NHEJ1: variants seen among roughly 807,000 people sequenced by gnomAD.
NHEJ1 encodes the protein non-homologous end joining factor 1.
In NHEJ1, 22 loss-of-function variants were observed where a neutral mutation model predicts 39.4. The observed-to-expected ratio is 0.56, with a 90% CI of 0.40 to 0.80. The LOEUF is 0.80. Among genes scored for constraint, NHEJ1 ranks in the 30% least tolerant of loss-of-function variants. The probability of loss-of-function intolerance (pLI) is 0.00; values close to 1 mark genes in which losing one functional copy is unlikely to be tolerated. For synonymous variants in NHEJ1, 154 were observed against 135.6 expected (o/e 1.14, Z -0.94); for missense variants, 329 against 357.1 (o/e 0.92, Z 0.63).
chr2:219,142,873 A>G (rs1559201110), intron 5 of NHEJ1, among the ~76,000 whole-genome samples: 1 of 152,218 alleles, frequency 6.6e-6, no homozygotes, highest in East Asian at 1.9e-4. Flanking sequence ...CCCTCTAGTT[A>G]GGCCACTATC....
Position 219,119,098 on chromosome 2 carries a change from C to T in NHEJ1, c.588+27582G>A, listed in dbSNP as rs148441501. Among the ~76,000 whole-genome samples, 90 of 152,204 alleles carry T rather than the reference C, an allele frequency of 5.9e-4. No homozygotes were observed. The East Asian group carries it at 0.015, about 25-fold the overall frequency. ...ACCAGTACCTGCAGTTTAAATTAGTCGAGGAGCCGATGTTCTCCATGCCTC... is the reference window on the plus strand; with the variant it reads ...ACCAGTACCTGCAGTTTAAATTAGTTGAGGAGCCGATGTTCTCCATGCCTC... On this transcript the variant is annotated intron_variant, in intron 5 of 7. Coordinates refer to ENST00000356853, the MANE Select transcript of NHEJ1 (RefSeq NM_024782.3).
At position 219,111,248 on chromosome 2, in the gene NHEJ1, A is replaced by T. The variant is rs757517119; in HGVS notation, c.589-33042T>A. Among the ~76,000 whole-genome samples, 4 of 152,186 alleles carry T rather than the reference A, an allele frequency of 2.6e-5. No homozygotes were observed. Among genetic ancestry groups the T allele is most frequent in the Non-Finnish European group, 4.4e-5 (3 of 68,032 alleles). The stretch of plus-strand genomic sequence containing the variant: ...CTACTAAAAGGTGGAAGCCAGATTT[A>T]TCTCACCCATTCTCCTCATTTACTC... On this transcript the variant is annotated intron_variant, in intron 5 of 7. Coordinates refer to ENST00000356853, the MANE Select transcript of NHEJ1 (RefSeq NM_024782.3). The surrounding 1 kb of genome is among the most constrained non-coding windows in gnomAD (Gnocchi z 4.1).
chr2:219,076,358 T>C lies in NHEJ1; in HGVS notation c.*23A>G. The stretch of plus-strand genomic sequence containing the variant: ...TGGAAGCTGTTCTCCAAGTCCATCC[T>C]CAGCAGCTGAGGCCACAACAGATTA... On this transcript the variant is annotated 3_prime_UTR_variant, in exon 8 of 8. Coordinates refer to ENST00000356853, the MANE Select transcript of NHEJ1 (RefSeq NM_024782.3). The C allele has an allele frequency of 6.2e-7, 1 of 1,614,138 alleles. No homozygotes were observed. Among genetic ancestry groups the C allele is most frequent in the East Asian group, 2.2e-5 (1 of 44,880 alleles).
intron 5 of NHEJ1, among the ~76,000 whole-genome samples, chr2:219,137,141 G>A (rs923584850): frequency 6.7e-6 from 1 of 150,340 alleles, no homozygotes; most frequent in Non-Finnish European, 1.5e-5. Context: ...ACCCCAAAGA[G>A]AAGGTGAAAT....
At chr2:219,089,886 A>G (rs1949145955) in intron 5 of NHEJ1, among the ~76,000 whole-genome samples, 1 of 152,210 alleles carries the variant, frequency 6.6e-6, no homozygotes, top group Non-Finnish European at 1.5e-5. Context: ...GACAACTTTT[A>G]AAGAACTTTA....
intron 5 of NHEJ1, among the ~76,000 whole-genome samples, chr2:219,093,090 T>G (rs1949175819): frequency 1.3e-5 from 2 of 152,178 alleles, no homozygotes; most frequent in Non-Finnish European, 2.9e-5. Flanking sequence ...GCCTTCCAGA[T>G]GAGAAATTCC....
rs114952340 is a variant in NHEJ1 at position 219,073,334 on chromosome 2, T to C, written c.*3047A>G. On this transcript the variant is annotated 3_prime_UTR_variant, in exon 8 of 8. Coordinates refer to ENST00000356853, the MANE Select transcript of NHEJ1 (RefSeq NM_024782.3). ...CTTTACTATCCCTTGGAAATCCTCCTTGATCTGGGAGACTGGCTGCCTGGT... is the reference window on the plus strand; with the variant it reads ...CTTTACTATCCCTTGGAAATCCTCCCTGATCTGGGAGACTGGCTGCCTGGT... Among the ~76,000 whole-genome samples the C allele has an allele frequency of 0.022, 3,369 of 152,306 alleles. 123 individuals are homozygous for C. Among genetic ancestry groups the C allele is most frequent in the African/African-American group, 0.076 (3,170 of 41,550 alleles).
At chr2:219,134,762 A>G (rs945981528) in intron 5 of NHEJ1, among the ~76,000 whole-genome samples, 1 of 152,284 alleles carries the variant, frequency 6.6e-6, no homozygotes, top group Admixed American at 6.5e-5. Flanking sequence ...ACATGTGGCC[A>G]GGCGCGGTGG....
intron 5 of NHEJ1, among the ~76,000 whole-genome samples, chr2:219,142,901 C>T (rs1356595568): frequency 2.6e-5 from 4 of 152,160 alleles, no homozygotes; most frequent in African/African-American, 9.7e-5. Flanking sequence ...TCCTTGGGTT[C>T]CCCAGAATTG....
At chr2:219,105,851 C>T (rs529153106) in intron 5 of NHEJ1, among the ~76,000 whole-genome samples, 1 of 152,252 alleles carries the variant, frequency 6.6e-6, no homozygotes, top group African/African-American at 2.4e-5. Flanking sequence ...TATATTTGCT[C>T]TCATTTCGTT....
At position 219,072,944 on chromosome 2, in the gene NHEJ1, C is replaced by T. The variant is rs1268029165; in HGVS notation, c.*3437G>A. On this transcript the variant is annotated 3_prime_UTR_variant, in exon 8 of 8. Transcript: ENST00000356853. ...CCTCCCGCCAGCTTTGTACAGAGTA[C>T]ACAAGGGGCCCCTGCTTATCTCCCA... 6.6e-6 allele frequency among the ~76,000 whole-genome samples: 1 copy of T among 152,158 alleles called. No individual in the cohort carries two copies. The highest frequency in any genetic ancestry group is 1.5e-5 in the Non-Finnish European group (1 of 68,032).
At chr2:219,090,662 T>C (rs1384573118) in intron 5 of NHEJ1, among the ~76,000 whole-genome samples, 1 of 152,128 alleles carries the variant, frequency 6.6e-6, no homozygotes, top group African/African-American at 2.4e-5. Context: ...TAAACAAAGC[T>C]GGATATGTAA....
chr2:219,143,569 C>T (rs907704483), intron 5 of NHEJ1, among the ~76,000 whole-genome samples: 1 of 152,226 alleles, frequency 6.6e-6, no homozygotes, highest in African/African-American at 2.4e-5. Context: ...CTTAACCTCT[C>T]TGAGGCTCAA....
At position 219,157,991 on chromosome 2, in the gene NHEJ1, TCACA is replaced by T. The variant is rs58103413; in HGVS notation, c.177+191_177+194del. Among the ~76,000 whole-genome samples the T allele has an allele frequency of 0.078, 7,662 of 98,856 alleles. 377 individuals are homozygous for T. The highest frequency in any genetic ancestry group is 0.16 in the African/African-American group (4,729 of 29,434). 64.9% of individuals were successfully genotyped at this position (98,856 alleles called of 152,430 possible). ...CTTTCTTTCTCTCTCTCTCTCTCTCTCACACACACACACACACACACACACACAC... is the reference window on the plus strand; with the variant it reads ...CTTTCTTTCTCTCTCTCTCTCTCTCTCACACACACACACACACACACACAC... On this transcript the variant is annotated intron_variant, in intron 2 of 7. Coordinates refer to ENST00000356853, the MANE Select transcript of NHEJ1 (RefSeq NM_024782.3).
chr2:219,089,978 G>A (rs1949146702), intron 5 of NHEJ1, among the ~76,000 whole-genome samples: 1 of 152,180 alleles, frequency 6.6e-6, no homozygotes, highest in South Asian at 2.1e-4. Context: ...AGGATCTAGA[G>A]TCAGACAGAC....
chr2:219,110,478 G>T (rs1161568578), intron 5 of NHEJ1, among the ~76,000 whole-genome samples: 1 of 151,382 alleles, frequency 6.6e-6, no homozygotes, highest in African/African-American at 2.4e-5. Flanking sequence ...AGCTGTGTTT[G>T]CACCATTGCA....
In NHEJ1 at chr2:219,111,199, C is replaced by T. The variant is rs974421658; in HGVS notation, c.589-32993G>A. Among the ~76,000 whole-genome samples the T allele has an allele frequency of 2.0e-5, 3 of 152,150 alleles. No homozygotes were observed. Among genetic ancestry groups the T allele is most frequent in the Admixed American group, 6.5e-5 (1 of 15,272 alleles). ...TTTACTCGTGATACCCAGACCAATG[C>T]TCTATTATTCATAAAAGCATAGACT... On this transcript the variant is annotated intron_variant, in intron 5 of 7. Coordinates refer to ENST00000356853, the MANE Select transcript of NHEJ1 (RefSeq NM_024782.3). The surrounding 1 kb of genome is among the most constrained non-coding windows in gnomAD (Gnocchi z 4.1).
intron 5 of NHEJ1, among the ~76,000 whole-genome samples, chr2:219,127,619 C>T (rs1383854296): frequency 2.6e-5 from 4 of 152,198 alleles, no homozygotes; most frequent in Non-Finnish European, 4.4e-5. Context: ...GATCTCTCAA[C>T]CTCTAAAAAC....
At chr2:219,091,230 TCTCA>T (rs1262283806) in intron 5 of NHEJ1, among the ~76,000 whole-genome samples, 1 of 152,128 alleles carries the variant, frequency 6.6e-6, no homozygotes, top group Non-Finnish European at 1.5e-5. Context: ...GCTGCCAATC[TCTCA>T]CTGAGTTCAA....
Sources: allele counts gnomAD v4.1 joint callset (sites outside exome capture counted in the v4.1 genomes callset), GRCh38; gene constraint gnomAD v4.1.1; non-coding constraint Gnocchi (gnomAD v3.1); transcripts MANE v1.5; gene names NCBI Gene and HGNC (gene_info 2026-07-23, HGNC 2026-07-21).